TENT5D: variants seen among roughly 807,000 people sequenced by gnomAD.
TENT5D encodes the protein terminal nucleotidyltransferase 5D.
For synonymous variants in TENT5D, 103 were observed against 100.6 expected, an observed-to-expected ratio of 1.02 and a Z score of -0.15; for missense variants, 191 against 287.0, an observed-to-expected ratio of 0.67 and a Z score of 2.42.
At chrX:80,427,035 C>T (rs1346590812) in intron 1 of TENT5D, among the ~76,000 whole-genome samples, 2 of 111,684 alleles carry the variant, frequency 1.8e-5, no homozygotes, top group East Asian at 2.8e-4. Context: ...AAGTGCCTTT[C>T]GCCTCCCACC....
chrX:80,389,253 T>A (rs1931082959), intron 3 of TENT5D, among the ~76,000 whole-genome samples: 1 of 111,999 alleles, frequency 8.9e-6, no homozygotes, highest in Admixed American at 9.5e-5. Flanking sequence ...GTGTAGATAC[T>A]TACTATATTT....
chrX:80,405,736 C>G (rs1211749778), intron 3 of TENT5D, among the ~76,000 whole-genome samples: 1 of 112,660 alleles, frequency 8.9e-6, no homozygotes, highest in South Asian at 3.6e-4. Context: ...GAAGCTCGAA[C>G]TGGGTGGAGC....
chrX:80,341,417 A>T (rs1275128954), intron 2 of TENT5D, among the ~76,000 whole-genome samples: 3 of 112,051 alleles, frequency 2.7e-5, no homozygotes, highest in African/African-American at 9.7e-5. Flanking sequence ...CTGTGTGCTC[A>T]GCATTGCTCA....
At chrX:80,386,280 G>A (rs1480508114) in intron 3 of TENT5D, among the ~76,000 whole-genome samples, 1 of 111,570 alleles carries the variant, frequency 9.0e-6, no homozygotes, top group Non-Finnish European at 1.9e-5. Context: ...GTAGGGACAT[G>A]GATGAAGCTG....
In TENT5D at chrX:80,349,270, T is replaced by A. The variant is rs956201248; in HGVS notation, c.-142+6706T>A. Among the ~76,000 whole-genome samples the A allele has an allele frequency of 1.7e-4, 19 of 111,800 alleles. No homozygotes were observed. The Admixed American group carries it at 1.8e-3, about 11-fold the overall frequency. ...CTTTGTACCTCTGGTAGAATTCGGC[T>A]GTTATTCTGTCTGGTCCTGGGCTTT... is the stretch of plus-strand genomic sequence containing the variant. On this transcript the variant is annotated intron_variant, in intron 3 of 4. Transcript: ENST00000538312.
intron 3 of TENT5D, among the ~76,000 whole-genome samples, chrX:80,409,883 T>G (rs1455500178): frequency 2.8e-5 from 3 of 106,495 alleles, no homozygotes; most frequent in Non-Finnish European, 5.8e-5. Flanking sequence ...AGCATGGTAC[T>G]GGTACCAAAA....
chrX:80,355,755 G>A (rs542962361), intron 3 of TENT5D, among the ~76,000 whole-genome samples: 1 of 111,811 alleles, frequency 8.9e-6, no homozygotes, highest in South Asian at 3.7e-4. Flanking sequence ...TTTCAGCCTG[G>A]GGTCTGCAAC....
At chrX:80,353,276 T>A (rs770828413) in intron 3 of TENT5D, among the ~76,000 whole-genome samples, 1 of 112,699 alleles carries the variant, frequency 8.9e-6, no homozygotes, top group Non-Finnish European at 1.9e-5. Context: ...CATTATCTTA[T>A]TTTTTAACTT....
chrX:80,384,945 T>C (rs867944003), intron 3 of TENT5D, among the ~76,000 whole-genome samples: 3 of 111,280 alleles, frequency 2.7e-5, no homozygotes, highest in Non-Finnish European at 1.9e-5. Context: ...TGGAAGAATA[T>C]TCCATGCTCA....
At chrX:80,388,602 C>CTGG (rs1249188694) in intron 3 of TENT5D, among the ~76,000 whole-genome samples, 1 of 111,967 alleles carries the variant, frequency 8.9e-6, no homozygotes, top group Non-Finnish European at 1.9e-5. Flanking sequence ...TGTGGCTGAG[C>CTGG]TGGTGTCCAA....
chrX:80,405,680 G>T (rs1437010088), intron 3 of TENT5D, among the ~76,000 whole-genome samples: 1 of 110,479 alleles, frequency 9.1e-6, no homozygotes, highest in Non-Finnish European at 1.9e-5. Flanking sequence ...CTGGAGGAGG[G>T]GCGCCCACCA....
intron 3 of TENT5D, among the ~76,000 whole-genome samples, chrX:80,373,421 A>T (rs192434789): frequency 1.3e-3 from 149 of 110,935 alleles, no homozygotes; most frequent in African/African-American, 4.5e-3. Flanking sequence ...ATTGTTTTTA[A>T]CTTGTGATTT....
At chrX:80,367,711 T>A (rs1400307243) in intron 3 of TENT5D, among the ~76,000 whole-genome samples, 1 of 109,842 alleles carries the variant, frequency 9.1e-6, no homozygotes, top group African/African-American at 3.3e-5. Flanking sequence ...TAAATGGAGG[T>A]CATTACATTA....
chrX:80,423,717 A>T (rs1368136355), intron 1 of TENT5D, among the ~76,000 whole-genome samples: 1 of 110,796 alleles, frequency 9.0e-6, no homozygotes, highest in Non-Finnish European at 1.9e-5. Flanking sequence ...GAAAAAAAAA[A>T]AAGTGCCCAC....
chrX:80,355,774 G>A (rs1930270976), intron 3 of TENT5D, among the ~76,000 whole-genome samples: 1 of 112,052 alleles, frequency 8.9e-6, no homozygotes, highest in Non-Finnish European at 1.9e-5. Context: ...ACCTCTTTCT[G>A]TCTACTTTCA....
intron 3 of TENT5D, among the ~76,000 whole-genome samples, chrX:80,380,500 A>T (rs1416574340): frequency 1.8e-5 from 2 of 110,685 alleles, no homozygotes; most frequent in Non-Finnish European, 3.8e-5. Flanking sequence ...CTGAGTTCAA[A>T]TCCTGGGTAT....
rs774567194 is a variant in TENT5D at position 80,421,691 on chromosome X, T to A, written c.-142+1128T>A. On this transcript the variant is annotated intron_variant, in intron 1 of 2. Coordinates refer to ENST00000308293, the Ensembl canonical transcript of TENT5D. ...GAATGCCATTATCATTCACCCTTTT[T>A]CTCCTATGAAAATTAACTGCAGATG... 3.6e-5 allele frequency among the ~76,000 whole-genome samples: 4 copies of A among 112,018 alleles called. No individual in the cohort carries two copies. In the South Asian group the frequency reaches 1.5e-3, roughly 42 times the overall value.
chrX:80,404,404 C>T (rs1418150451), intron 3 of TENT5D, among the ~76,000 whole-genome samples: 1 of 111,163 alleles, frequency 9.0e-6, no homozygotes, highest in African/African-American at 3.3e-5. Flanking sequence ...TTCCATAAAC[C>T]GGTTTGTAAC....
intron 3 of TENT5D, among the ~76,000 whole-genome samples, chrX:80,405,504 G>A (rs1931468467): frequency 8.9e-6 from 1 of 112,491 alleles, no homozygotes; most frequent in Admixed American, 9.4e-5. Context: ...GACGCACCTG[G>A]AAAATCGGGT....
Sources: allele counts gnomAD v4.1 joint callset (sites outside exome capture counted in the v4.1 genomes callset), GRCh38; gene constraint gnomAD v4.1.1; transcripts MANE v1.5; gene names NCBI Gene and HGNC (gene_info 2026-07-23, HGNC 2026-07-21).